The following TTLL1 variants were observed in gnomAD, a reference collection of about 807,000 sequenced individuals.
TTLL1 encodes the protein TTL family tubulin polyglutamylase complex subunit L1, also known as polyglutamylase complex subunit TTLL1.
In TTLL1, 33 loss-of-function variants were observed where a neutral mutation model predicts 47.8. The ratio of observed to expected loss-of-function variants is 0.69; its 90% CI spans 0.52 to 0.92. The LOEUF is 0.92. Ranked by LOEUF, TTLL1 falls within the 40% of genes least tolerant of loss-of-function variation. The probability of loss-of-function intolerance (pLI) is 0.00; values close to 1 mark genes in which losing one functional copy is unlikely to be tolerated. For synonymous variants in TTLL1, 225 were observed against 214.1 expected (o/e 1.05, Z -0.45); for missense variants, 488 against 547.5 (o/e 0.89, Z 1.08).
At chr22:43,082,100 C>T (rs12163516) in intron 1 of TTLL1, among the ~76,000 whole-genome samples, 2 of 151,966 alleles carry the variant, frequency 1.3e-5, no homozygotes, top group African/African-American at 4.8e-5. Flanking sequence ...GATCCATCCC[C>T]TTCTGCCTCC....
In TTLL1 at chr22:43,086,455, C is replaced by T. The variant is rs147335656; in HGVS notation, c.-90+2822G>A. On this transcript the variant is annotated intron_variant, in intron 1 of 10. Transcript: ENST00000266254. The stretch of plus-strand genomic sequence containing the variant: ...TCATGAGCTCAAAGAGAAGGTTTCC[C>T]ATGAACACCCTGGATATCAGGGCCA... Among the ~76,000 whole-genome samples the T allele has an allele frequency of 3.0e-4, 45 of 152,262 alleles. No individual in the cohort carries two copies. The East Asian group carries it at 5.4e-3, about 18-fold the overall frequency.
intron 2 of TTLL1, among the ~76,000 whole-genome samples, chr22:43,077,210 A>T (rs1464685131): frequency 6.6e-6 from 1 of 151,982 alleles, no homozygotes; most frequent in African/African-American, 2.4e-5. Flanking sequence ...TTCCCCAGGT[A>T]CACCTCACAC....
At chr22:43,058,685 T>A (rs1370310014) in intron 8 of TTLL1, among the ~76,000 whole-genome samples, 1 of 147,728 alleles carries the variant, frequency 6.8e-6, no homozygotes, top group African/African-American at 2.5e-5. Flanking sequence ...TGAAAACAGG[T>A]TTTTTTTTGT....
intron 5 of TTLL1, 129 bp from the exon 6 acceptor site, chr22:43,064,453 C>A: frequency 9.1e-7 from 1 of 1,098,982 alleles, no homozygotes; most frequent in Non-Finnish European, 1.3e-6. Context: ...TGGCTGGGCG[C>A]GGTGGCTCAC....
intron 1 of TTLL1, among the ~76,000 whole-genome samples, chr22:43,081,600 A>G (rs1289533383): frequency 6.6e-6 from 1 of 151,884 alleles, no homozygotes; most frequent in Non-Finnish European, 1.5e-5. Context: ...CCCAGGCTGG[A>G]GTGCAGTGGC....
intron 1 of TTLL1, among the ~76,000 whole-genome samples, chr22:43,081,689 A>T (rs1465222070): frequency 1.3e-5 from 2 of 151,164 alleles, no homozygotes; most frequent in African/African-American, 2.4e-5. Context: ...CTGGGACTAC[A>T]GGCGCCTGCC....
At chr22:43,060,362 C>T (rs537657620) in intron 7 of TTLL1, among the ~76,000 whole-genome samples, 17 of 151,418 alleles carry the variant, frequency 1.1e-4, no homozygotes, top group African/African-American at 4.2e-4. Flanking sequence ...AGGTGTCAGC[C>T]CCTGCTCCCT....
intron 1 of TTLL1, among the ~76,000 whole-genome samples, chr22:43,087,092 C>A (rs940243956): frequency 6.6e-6 from 1 of 152,194 alleles, no homozygotes; most frequent in Non-Finnish European, 1.5e-5. Context: ...CCAGATCTGT[C>A]CCTTCTCAAA....
intron 7 of TTLL1, 78 bp from the exon 8 acceptor site, chr22:43,059,605 A>G: frequency 6.7e-7 from 1 of 1,496,326 alleles, no homozygotes; most frequent in Non-Finnish European, 9.0e-7. Context: ...GCATCCCCCA[A>G]GCATTTCTGG....
intron 8 of TTLL1, among the ~76,000 whole-genome samples, chr22:43,056,469 T>TA (rs572705768): frequency 0.011 from 1,690 of 147,420 alleles, 40 homozygotes; most frequent in African/African-American, 0.04. Context: ...TGTCTTTTTT[T>TA]TTTTTTTTTT....
intron 2 of TTLL1, among the ~76,000 whole-genome samples, chr22:43,079,445 GC>G (rs2146991135): frequency 6.6e-6 from 1 of 152,292 alleles, no homozygotes; most frequent in East Asian, 1.9e-4. Context: ...CAGACACGGG[GC>G]CACGCCAATG....
At chr22:43,076,858 T>C (rs1437081780) in intron 2 of TTLL1, among the ~76,000 whole-genome samples, 1 of 151,914 alleles carries the variant, frequency 6.6e-6, no homozygotes, top group Non-Finnish European at 1.5e-5. Context: ...TCCCAGCACT[T>C]TGGGAGGCCG....
intron 8 of TTLL1, among the ~76,000 whole-genome samples, chr22:43,055,071 T>TG (rs1476911627): frequency 6.6e-6 from 1 of 151,704 alleles, no homozygotes; most frequent in South Asian, 2.1e-4. Context: ...TCACCCAGGC[T>TG]GGGGTGCAGT....
intron 10 of TTLL1, among the ~76,000 whole-genome samples, chr22:43,042,861 G>A (rs1469033522): frequency 6.6e-6 from 1 of 152,098 alleles, no homozygotes; most frequent in African/African-American, 2.4e-5. Context: ...AGGAGAGGAC[G>A]GCTGGATCAG....
At chr22:43,059,286 G>A (rs1029410476) in intron 8 of TTLL1, 98 bp downstream of exon 8, 41 of 1,494,614 alleles carry the variant, frequency 2.7e-5, no homozygotes, top group Admixed American at 2.7e-4. Flanking sequence ...GAGCCGCCGC[G>A]CACAGCTGAA....
intron 1 of TTLL1, among the ~76,000 whole-genome samples, chr22:43,088,901 G>A (rs1929430012): frequency 1.3e-5 from 2 of 152,192 alleles, no homozygotes; most frequent in Admixed American, 6.5e-5. Flanking sequence ...CAAGGCTCTT[G>A]TCTCCTGCCC....
At chr22:43,067,206 A>C (rs1423985550) in intron 5 of TTLL1, among the ~76,000 whole-genome samples, 1 of 152,104 alleles carries the variant, frequency 6.6e-6, no homozygotes, top group Non-Finnish European at 1.5e-5. Context: ...CTGCCCCACC[A>C]CTTGCTCGGC....
intron 8 of TTLL1, among the ~76,000 whole-genome samples, chr22:43,056,800 C>A (rs1927044902): frequency 6.6e-6 from 1 of 151,122 alleles, no homozygotes; most frequent in Non-Finnish European, 1.5e-5. Flanking sequence ...CAAAACAAAA[C>A]AAAAACATTA....
At position 43,069,856 on chromosome 22, in the gene TTLL1, G is replaced by A. The variant is rs778440192; in HGVS notation, c.114-12C>T. 2.3e-5 allele frequency: 37 copies of A among 1,613,562 alleles called. 1 individual carries two copies. In the Admixed American group the frequency reaches 3.3e-4, roughly 15 times the overall value. On this transcript the variant is annotated splice_polypyrimidine_tract_variant and intron_variant, in intron 3 of 10. Coordinates refer to ENST00000266254, the MANE Select transcript of TTLL1 (RefSeq NM_012263.5). ...TTTGCACACTCATCCTGAAAGAGAT[G>A]AGCAGGAGAGACACTTGGCAGTGAT...
Sources: gnomAD v4.1 joint callset for allele counts (sites outside exome capture counted in the v4.1 genomes callset) on GRCh38, gnomAD v4.1.1 for gene constraint, MANE v1.5 for transcripts, NCBI Gene and HGNC (gene_info 2026-07-23, HGNC 2026-07-21) for gene names.